The following EIF4ENIF1 variants were observed in gnomAD, a reference collection of about 807,000 sequenced individuals.
The protein encoded by EIF4ENIF1 is eukaryotic translation initiation factor 4E transporter.
A neutral mutation model predicts 110.5 loss-of-function variants in EIF4ENIF1; 23 were observed. That is an observed-to-expected ratio of 0.21 (90% CI 0.15 to 0.29). EIF4ENIF1 has a LOEUF of 0.29. Among genes scored for constraint, EIF4ENIF1 ranks in the 10% least tolerant of loss-of-function variants. The probability of loss-of-function intolerance (pLI) is 1.00; values close to 1 mark genes in which losing one functional copy is unlikely to be tolerated. For missense variants in EIF4ENIF1, 1,031 were observed against 1,221.1 expected (o/e 0.84, Z 2.32); for synonymous variants, 440 against 437.0 (o/e 1.01, Z -0.09).
At position 31,464,292 on chromosome 22, in the gene EIF4ENIF1, G is replaced by A. The variant is rs73398220; in HGVS notation, c.299-325C>T. 7 of 243,996 alleles carry A rather than the reference G, an allele frequency of 2.9e-5. No homozygotes were observed. The East Asian group carries it at 3.0e-4, about 11-fold the overall frequency. 15.1% of individuals were successfully genotyped at this position (243,996 alleles called of 1,614,324 possible). The stretch of plus-strand genomic sequence containing the variant: ...TGTCAACTAATAAACTACAGCAGGC[G>A]TATTTGAAAAAATAACTGCTTAAAA... On this transcript the variant is annotated intron_variant, in intron 4 of 18. Transcript: ENST00000330125.
intron 7 of EIF4ENIF1, among the ~76,000 whole-genome samples, chr22:31,457,205 G>A (rs2050857165): frequency 6.6e-6 from 1 of 152,146 alleles, no homozygotes; most frequent in South Asian, 2.1e-4. Flanking sequence ...GAGTTTTCAG[G>A]TGTTTTCTGT....
intron 16 of EIF4ENIF1, 135 bp downstream of exon 16, chr22:31,442,827 C>G: frequency 8.3e-7 from 1 of 1,200,046 alleles, no homozygotes; most frequent in Non-Finnish European, 1.2e-6. Flanking sequence ...TTCTCACTGA[C>G]ACAGAACCAT....
At chr22:31,474,503 T>C (rs979252662) in intron 2 of EIF4ENIF1, among the ~76,000 whole-genome samples, 12 of 150,596 alleles carry the variant, frequency 8.0e-5, no homozygotes, top group African/African-American at 1.9e-4. Context: ...TTTTTTTTTT[T>C]CCTAAAGACT....
At position 31,488,645 on chromosome 22, in the gene EIF4ENIF1, T is replaced by C; in HGVS notation, c.74A>G (p.Lys25Arg). The C allele has an allele frequency of 6.2e-7, 1 of 1,614,148 alleles. No homozygotes were observed. Among genetic ancestry groups the C allele is most frequent in the Non-Finnish European group, 8.5e-7 (1 of 1,180,016 alleles). ...FLDLKKPPAS[K>R]CPHRYTKEEL... ...TACTTTTGTATAGCGATGGGGGCAT[T>C]TGGAGGCAGGAGGCTTCTTCAGGTC... The change falls in exon 2 of 19, where the codon AAA becomes AGA. Residue 25 changes from lysine (K) to arginine (R), a missense_variant. Around this residue, in one of 3 missense-constraint regions of EIF4ENIF1, gnomAD observed 704 missense variants for 879.7 expected, o/e 0.80. Transcript: ENST00000330125.
At chr22:31,477,956 A>T (rs769159291) in intron 2 of EIF4ENIF1, among the ~76,000 whole-genome samples, 4 of 152,228 alleles carry the variant, frequency 2.6e-5, no homozygotes, top group African/African-American at 7.2e-5. Context: ...GCATTTGTGC[A>T]ATTTCTGCAG....
At chr22:31,488,778 A>C in intron 1 of EIF4ENIF1, 33 bp from the exon 2 acceptor site, 1 of 1,564,332 alleles carries the variant, frequency 6.4e-7, no homozygotes, top group South Asian at 1.2e-5. Context: ...ATTGTCACCG[A>C]GAACAGTAAG....
At chr22:31,456,118 A>G in intron 7 of EIF4ENIF1, 131 bp from the exon 8 acceptor site, 1 of 911,130 alleles carries the variant, frequency 1.1e-6, no homozygotes, top group Non-Finnish European at 1.6e-6. Context: ...TACTCTCAGA[A>G]CCTAGGAATT....
intron 10 of EIF4ENIF1, among the ~76,000 whole-genome samples, chr22:31,451,624 G>A (rs1444123647): frequency 6.6e-6 from 1 of 151,554 alleles, no homozygotes; most frequent in Non-Finnish European, 1.5e-5. Flanking sequence ...CACATACAGG[G>A]CAAAATTCAA....
chr22:31,444,585 C>A, intron 15 of EIF4ENIF1, 21 bp downstream of exon 15: 1 of 1,612,222 alleles, frequency 6.2e-7, no homozygotes, highest in Middle Eastern at 1.7e-4. Context: ...AAGTCCTTCA[C>A]AGTTACTAAA....
chr22:31,472,144 A>C (rs1405317534), intron 2 of EIF4ENIF1, among the ~76,000 whole-genome samples: 1 of 152,244 alleles, frequency 6.6e-6, no homozygotes, highest in Non-Finnish European at 1.5e-5. Context: ...ACAATCTCTC[A>C]TAATTGCTAT....
chr22:31,489,172 T>G (rs950195681), intron 1 of EIF4ENIF1: 1 of 156,486 alleles, frequency 6.4e-6, no homozygotes, highest in African/African-American at 2.4e-5. Context: ...AGCTGCCCCT[T>G]GTTATCCGGC....
intron 3 of EIF4ENIF1, among the ~76,000 whole-genome samples, chr22:31,470,055 TCGGGAGGCTGAGG>T (rs977483568): frequency 3.5e-4 from 52 of 149,322 alleles, no homozygotes; most frequent in African/African-American, 1.2e-3. Flanking sequence ...TCCCAACTAC[TCGGGAGGCTGAGG>T]CAGGAGAATC....
intron 17 of EIF4ENIF1, 58 bp downstream of exon 17, chr22:31,441,716 C>T (rs562059966): frequency 1.4e-6 from 2 of 1,410,666 alleles, no homozygotes; most frequent in African/African-American, 2.8e-5. Context: ...TCATCAGTGC[C>T]AACAATTGTC....
At chr22:31,448,720 T>G (rs992070655) in intron 12 of EIF4ENIF1, among the ~76,000 whole-genome samples, 1 of 152,212 alleles carries the variant, frequency 6.6e-6, no homozygotes, top group Non-Finnish European at 1.5e-5. Context: ...TAAGACACTT[T>G]CTGGAACTTT....
chr22:31,459,830 C>A (rs1481452322), intron 6 of EIF4ENIF1, among the ~76,000 whole-genome samples: 3 of 152,108 alleles, frequency 2.0e-5, no homozygotes, highest in Non-Finnish European at 4.4e-5. Flanking sequence ...GAACCAAGAC[C>A]CCTGGATTCT....
intron 2 of EIF4ENIF1, 135 bp downstream of exon 2, chr22:31,488,488 A>G (rs1770789541): frequency 7.4e-7 from 1 of 1,344,838 alleles, no homozygotes; most frequent in African/African-American, 1.5e-5. Flanking sequence ...GTAATGCACT[A>G]CTAAATTTAG....
rs145051678 is a variant in EIF4ENIF1 at position 31,454,130 on chromosome 22, T to C, written c.1512+14A>G. 2.0e-4 allele frequency: 318 copies of C among 1,609,408 alleles called. No homozygotes were observed. The East Asian group carries it at 6.4e-3, about 33-fold the overall frequency. On this transcript the variant is annotated intron_variant, in intron 10 of 18. Coordinates refer to ENST00000330125, the MANE Select transcript of EIF4ENIF1 (RefSeq NM_019843.4). ...AAAGGAGAAAAGGGTGGGGGGTTTG[T>C]GTCAGATACTTACGCTGACTTTGGG...
At chr22:31,489,975 A>G (rs1431868776), upstream of EIF4ENIF1, 5 of 151,530 alleles carry the variant, frequency 3.3e-5, no homozygotes, top group African/African-American at 1.2e-4. Flanking sequence ...CGGGCGAAAA[A>G]GAAGCATCGC....
intron 6 of EIF4ENIF1, among the ~76,000 whole-genome samples, chr22:31,462,056 C>T (rs983491106): frequency 3.9e-5 from 6 of 152,184 alleles, no homozygotes; most frequent in Admixed American, 6.5e-5. Flanking sequence ...TTTTCTACCA[C>T]GTTTCTTATT....
Sources: allele counts gnomAD v4.1 joint callset (sites outside exome capture counted in the v4.1 genomes callset), GRCh38; gene constraint gnomAD v4.1.1; regional missense constraint gnomAD v4.1.1; transcripts MANE v1.5; gene names NCBI Gene and HGNC (gene_info 2026-07-23, HGNC 2026-07-21).